Variants in COG2 observed in about 807,000 individuals in gnomAD.
The protein encoded by COG2 is component of oligomeric golgi complex 2.
In COG2, 52 loss-of-function variants were observed where a neutral mutation model predicts 90.6. The ratio of observed to expected loss-of-function variants is 0.57; its 90% CI spans 0.46 to 0.72. The LOEUF (loss-of-function observed/expected upper bound fraction) is 0.72, where lower values mean the gene tolerates loss of function less well. COG2 is among the 30% of genes least tolerant of loss of function. COG2 has a pLI of 0.00. For synonymous variants in COG2, 337 were observed against 320.4 expected, an observed-to-expected ratio of 1.05 and a Z score of -0.55; for missense variants, 829 against 891.2, an observed-to-expected ratio of 0.93 and a Z score of 0.89.
At chr1:230,643,197 CA>C in intron 1 of COG2, among the ~76,000 whole-genome samples, 1 of 152,310 alleles carries the variant, frequency 6.6e-6, no homozygotes, top group African/African-American at 2.4e-5. Context: ...TGCAGTACGA[CA>C]AAGCAAACCA....
At chr1:230,684,941 T>C in intron 11 of COG2, 144 bp from the exon 12 acceptor site, 1 of 915,454 alleles carries the variant, frequency 1.1e-6, no homozygotes, top group Non-Finnish European at 1.6e-6. Flanking sequence ...TCCCTGTGCC[T>C]CCAACAGCTT....
intron 1 of COG2, among the ~76,000 whole-genome samples, chr1:230,656,839 T>C (rs1385413596): frequency 1.3e-5 from 2 of 152,242 alleles, no homozygotes; most frequent in Non-Finnish European, 2.9e-5. Flanking sequence ...TGCCCTTCTT[T>C]GTTTTGATCT....
At chr1:230,682,372 C>T (rs533548430) in intron 10 of COG2, 1 of 152,486 alleles carries the variant, frequency 6.6e-6, no homozygotes, top group African/African-American at 2.4e-5. Flanking sequence ...ACTGCTGTTC[C>T]TGGGCTAGTT....
chr1:230,682,402 AC>A (rs1245535026), intron 10 of COG2: 3 of 152,210 alleles, frequency 2.0e-5, no homozygotes, highest in African/African-American at 4.8e-5. Context: ...CTCTTATCCC[AC>A]TTTTCCATCT....
intron 2 of COG2, among the ~76,000 whole-genome samples, chr1:230,660,452 A>T (rs1662154794): frequency 6.6e-6 from 1 of 152,210 alleles, no homozygotes; most frequent in Non-Finnish European, 1.5e-5. Flanking sequence ...CTTTATCTCC[A>T]GTTAAAATTT....
At chr1:230,683,452 A>G in intron 10 of COG2, 122 bp from the exon 11 acceptor site, 1 of 606,296 alleles carries the variant, frequency 1.6e-6, no homozygotes, top group African/African-American at 1.9e-5. Context: ...AGGCATTCCG[A>G]GGCTGGACTT....
At chr1:230,683,754 A>G (rs1028155034) in intron 11 of COG2, 119 bp downstream of exon 11, 17 of 691,236 alleles carry the variant, frequency 2.5e-5, no homozygotes, top group Middle Eastern at 2.5e-4. Context: ...TTAATCATAC[A>G]GTAAGTTGGA....
chr1:230,653,898 A>G (rs1201282910), intron 1 of COG2, among the ~76,000 whole-genome samples: 1 of 152,084 alleles, frequency 6.6e-6, no homozygotes, highest in Non-Finnish European at 1.5e-5. Context: ...TGGTAAAAGC[A>G]TGAATACATT....
At chr1:230,678,626 C>G (rs1424668864) in intron 9 of COG2, 1 of 1,352,192 alleles carries the variant, frequency 7.4e-7, no homozygotes, top group African/African-American at 1.5e-5. Context: ...GGGTAGGGGG[C>G]CCTAGAACAT....
chr1:230,663,946 AG>A (rs1662251820), intron 4 of COG2, among the ~76,000 whole-genome samples: 1 of 152,152 alleles, frequency 6.6e-6, no homozygotes, highest in Non-Finnish European at 1.5e-5. Context: ...CAGTAGTTTA[AG>A]AGGCTGAGGC....
At chr1:230,666,397 C>T (rs1662324224) in intron 5 of COG2, among the ~76,000 whole-genome samples, 1 of 152,140 alleles carries the variant, frequency 6.6e-6, no homozygotes, top group South Asian at 2.1e-4. Context: ...TCTGCCTCCC[C>T]CTCTCAGTTC....
chr1:230,692,655 C>T (rs1663060687), intron 17 of COG2, among the ~76,000 whole-genome samples: 1 of 152,046 alleles, frequency 6.6e-6, no homozygotes, highest in Non-Finnish European at 1.5e-5. Flanking sequence ...AAGGTGCTCC[C>T]GCAGTCTCGG....
intron 10 of COG2, chr1:230,682,747 A>G (rs1558278449): frequency 1.3e-5 from 2 of 152,238 alleles, no homozygotes; most frequent in African/African-American, 4.8e-5. Flanking sequence ...ATCAGAATTC[A>G]TTACTAGTAA....
chr1:230,674,919 G>T, intron 8 of COG2, 79 bp from the exon 9 acceptor site: 2 of 1,119,700 alleles, frequency 1.8e-6, no homozygotes, highest in Non-Finnish European at 2.5e-6. Flanking sequence ...GGATCTTTTG[G>T]CAGAAGCAAC....
intron 1 of COG2, among the ~76,000 whole-genome samples, chr1:230,654,846 A>G (rs1212322481): frequency 2.0e-5 from 3 of 152,006 alleles, no homozygotes; most frequent in Non-Finnish European, 2.9e-5. Context: ...TTATTTTATT[A>G]TCTTAGTAGC....
At chr1:230,656,710 C>T (rs1469223097) in intron 1 of COG2, among the ~76,000 whole-genome samples, 3 of 152,142 alleles carry the variant, frequency 2.0e-5, no homozygotes, top group African/African-American at 4.8e-5. Flanking sequence ...GTGTGGGAGT[C>T]TAAGTCTCTT....
intron 8 of COG2, among the ~76,000 whole-genome samples, chr1:230,674,061 C>T (rs1662524686): frequency 6.6e-6 from 1 of 152,096 alleles, no homozygotes; most frequent in Admixed American, 6.6e-5. Context: ...CAATATGAAA[C>T]AAAGTGGGCA....
At chr1:230,661,577 T>C (rs943481808) in intron 3 of COG2, 1 of 152,214 alleles carries the variant, frequency 6.6e-6, no homozygotes, top group African/African-American at 2.4e-5. Flanking sequence ...CATTAGATCA[T>C]GCGCAGCTTG....
At chr1:230,652,796 A>C (rs1427703604) in intron 1 of COG2, among the ~76,000 whole-genome samples, 1 of 152,128 alleles carries the variant, frequency 6.6e-6, no homozygotes, top group Non-Finnish European at 1.5e-5. Flanking sequence ...GCATTTTTTC[A>C]GATCTTTCGC....
Sources: allele counts gnomAD v4.1 joint callset (sites outside exome capture counted in the v4.1 genomes callset), GRCh38; gene constraint gnomAD v4.1.1; transcripts MANE v1.5; gene names NCBI Gene and HGNC (gene_info 2026-07-23, HGNC 2026-07-21).